Variants in KCNB2 observed in about 807,000 individuals in gnomAD.
KCNB2 encodes the protein delayed rectifier potassium channel protein.
In KCNB2, 15 loss-of-function variants were observed where a neutral mutation model predicts 61.5. The observed-to-expected ratio is 0.24, with a 90% confidence interval of 0.16 to 0.38. KCNB2 has a LOEUF of 0.38. KCNB2 is among the 10% of genes least tolerant of loss of function. The probability of loss-of-function intolerance (pLI) is 1.00; values close to 1 mark genes in which losing one functional copy is unlikely to be tolerated. For missense variants in KCNB2, 828 were observed against 1,125.2 expected (o/e 0.74, Z 3.78); for synonymous variants, 457 against 446.0 (o/e 1.02, Z -0.31).
intron 2 of KCNB2, among the ~76,000 whole-genome samples, chr8:72,691,410 C>T (rs575927454): frequency 1.3e-5 from 2 of 152,300 alleles, no homozygotes; most frequent in African/African-American, 2.4e-5. Flanking sequence ...AAAACTCCTT[C>T]CAGCTGATAC....
intron 2 of KCNB2, among the ~76,000 whole-genome samples, chr8:72,703,795 C>T (rs1047291126): frequency 2.0e-5 from 3 of 152,152 alleles, no homozygotes; most frequent in African/African-American, 7.2e-5. Flanking sequence ...GATGTGAAGT[C>T]ATTGAATGCC....
intron 2 of KCNB2, among the ~76,000 whole-genome samples, chr8:72,814,029 C>T (rs1162786672): frequency 1.3e-5 from 2 of 152,110 alleles, no homozygotes; most frequent in Non-Finnish European, 2.9e-5. Context: ...ATGACAGGCT[C>T]CTGTGTGTGA....
chr8:72,828,158 G>A (rs892817762), intron 2 of KCNB2, among the ~76,000 whole-genome samples: 1 of 152,080 alleles, frequency 6.6e-6, no homozygotes, highest in Admixed American at 6.6e-5. Flanking sequence ...CCCAGCTTAA[G>A]TATTAATAAT....
intron 1 of KCNB2, among the ~76,000 whole-genome samples, chr8:72,562,774 G>T (rs1268583326): frequency 6.6e-6 from 1 of 151,994 alleles, no homozygotes; most frequent in Non-Finnish European, 1.5e-5. Context: ...TTAATTTTAT[G>T]GGGTAAAAAA....
chr8:72,854,222 A>AT (rs964958289), intron 2 of KCNB2, among the ~76,000 whole-genome samples: 3 of 152,094 alleles, frequency 2.0e-5, no homozygotes, highest in African/African-American at 4.8e-5. Flanking sequence ...AATATTATGC[A>AT]TTTTTTCTAA....
intron 2 of KCNB2, among the ~76,000 whole-genome samples, chr8:72,602,250 A>C (rs1006721500): frequency 1.1e-4 from 17 of 152,186 alleles, no homozygotes; most frequent in Non-Finnish European, 2.1e-4. Flanking sequence ...TCAGTCACTG[A>C]GTGGTCTGTT....
chr8:72,670,164 A>G (rs1806539575), intron 2 of KCNB2, among the ~76,000 whole-genome samples: 1 of 152,216 alleles, frequency 6.6e-6, no homozygotes, highest in Non-Finnish European at 1.5e-5. Context: ...ATTAATTATC[A>G]AGAGATTCAA....
chr8:72,886,206 C>G (rs143316412), intron 2 of KCNB2, among the ~76,000 whole-genome samples: 1 of 152,290 alleles, frequency 6.6e-6, no homozygotes, highest in Non-Finnish European at 1.5e-5. Context: ...TGAGCCTCTT[C>G]ACTCATCTCT....
intron 2 of KCNB2, among the ~76,000 whole-genome samples, chr8:72,769,695 T>A (rs1305807416): frequency 6.6e-6 from 1 of 152,086 alleles, no homozygotes; most frequent in African/African-American, 2.4e-5. Context: ...TCTGCATGCC[T>A]CCTGTGGAGT....
rs146872128 is a variant in KCNB2, at chr8:72,751,798, A to G, written c.579+183485A>G. 32 of 152,262 alleles carry G rather than the reference A, an allele frequency of 2.1e-4. No individual in the cohort carries two copies. In the East Asian group the frequency reaches 5.2e-3, roughly 25 times the overall value. 9.4% of individuals were successfully genotyped at this position (152,262 alleles called of 1,614,324 possible). On this transcript the variant is annotated intron_variant, in intron 2 of 2. Transcript: ENST00000523207. ...GCCATCTGAGCCCCCACCTACATGC[A>G]CATGTACACACATGAACACATATAC... is the stretch of plus-strand genomic sequence containing the variant.
intron 2 of KCNB2, among the ~76,000 whole-genome samples, chr8:72,804,655 G>T (rs1019754620): frequency 6.6e-6 from 1 of 152,172 alleles, no homozygotes; most frequent in Admixed American, 6.5e-5. Flanking sequence ...ATTTGAAAAT[G>T]ACTTGTGGGG....
chr8:72,571,987 A>G (rs1563526658), intron 2 of KCNB2, among the ~76,000 whole-genome samples: 2 of 152,128 alleles, frequency 1.3e-5, no homozygotes, highest in Non-Finnish European at 2.9e-5. Context: ...GCATATAGTG[A>G]CTTCAGTCTA....
chr8:72,899,000 T>C (rs4492422), intron 2 of KCNB2, among the ~76,000 whole-genome samples: 51,059 of 152,034 alleles, frequency 0.34, 9,162 homozygotes, highest in African/African-American at 0.45. Context: ...TATAGTATTC[T>C]GTGGTGTATA....
chr8:72,837,314 A>G (rs895529365), intron 2 of KCNB2, among the ~76,000 whole-genome samples: 2 of 152,170 alleles, frequency 1.3e-5, no homozygotes. Flanking sequence ...GCCTCTGTTC[A>G]TTGACTGAAC....
chr8:72,702,779 A>C (rs544315650), intron 2 of KCNB2, among the ~76,000 whole-genome samples: 1 of 152,254 alleles, frequency 6.6e-6, no homozygotes, highest in East Asian at 1.9e-4. Flanking sequence ...CTCTGGCAGG[A>C]AGTTGTGATG....
At chr8:72,573,950 T>C (rs933606274) in intron 2 of KCNB2, among the ~76,000 whole-genome samples, 5 of 152,252 alleles carry the variant, frequency 3.3e-5, no homozygotes, top group Admixed American at 3.3e-4. Flanking sequence ...TTAAGCAGTT[T>C]GTATTCTTCC....
chr8:72,763,418 GACAGAT>G (rs1808416409), intron 2 of KCNB2, among the ~76,000 whole-genome samples: 1 of 152,008 alleles, frequency 6.6e-6, no homozygotes, highest in African/African-American at 2.4e-5. Flanking sequence ...GCTACATGTT[GACAGAT>G]ATGCTTTTGA....
At chr8:72,823,465 G>C (rs1330365743) in intron 2 of KCNB2, among the ~76,000 whole-genome samples, 1 of 152,046 alleles carries the variant, frequency 6.6e-6, no homozygotes, top group Admixed American at 6.5e-5. Flanking sequence ...TTCATGGAAG[G>C]TCCTTCATTA....
At chr8:72,809,042 G>A (rs912099734) in intron 2 of KCNB2, among the ~76,000 whole-genome samples, 1 of 152,084 alleles carries the variant, frequency 6.6e-6, no homozygotes, top group African/African-American at 2.4e-5. Context: ...CTGGTGCCTG[G>A]CCAAAACAGA....
Sources: gnomAD v4.1 joint callset for allele counts (sites outside exome capture counted in the v4.1 genomes callset) on GRCh38, gnomAD v4.1.1 for gene constraint, MANE v1.5 for transcripts, NCBI Gene and HGNC (gene_info 2026-07-23, HGNC 2026-07-21) for gene names.